The following ZNF337 variants were observed in gnomAD, a reference collection of about 807,000 sequenced individuals.
ZNF337 encodes the protein zinc finger protein 337.
In ZNF337, 8 loss-of-function variants were observed where a neutral mutation model predicts 12.1. The ratio of observed to expected loss-of-function variants is 0.66; its 90% CI spans 0.39 to 1.19. The LOEUF is 1.19. ZNF337 is among the 50% of genes most tolerant of loss of function. The pLI is 0.01. For missense variants in ZNF337, 882 were observed against 896.6 expected (o/e 0.98, Z 0.21); for synonymous variants, 336 against 320.0 (o/e 1.05, Z -0.53).
intron 1 of ZNF337, among the ~76,000 whole-genome samples, chr20:25,691,451 A>G (rs2065881636): frequency 6.6e-6 from 1 of 152,240 alleles, no homozygotes; most frequent in Non-Finnish European, 1.5e-5. Context: ...AACTCCAAGA[A>G]TAAATTCAAG....
Position 25,674,462 on chromosome 20 carries a change from GTGACT to G in ZNF337, c.*565_*569del, listed in dbSNP as rs1412791261. 5 of 152,732 alleles carry G rather than the reference GTGACT, an allele frequency of 3.3e-5. No homozygotes were observed. The highest frequency in any genetic ancestry group is 7.2e-5 in the African/African-American group (3 of 41,436). The allele number at this position is 152,732 out of a possible 1,614,324, so 9.5% of individuals were successfully genotyped here. ...ATCCCATTCGCAAAGCTCTATCTTC[GTGACT>G]TGACTTAATCACTTCCCAAAGGTCC... On this transcript the variant is annotated 3_prime_UTR_variant, in exon 5 of 5. Transcript: ENST00000252979.
At chr20:25,682,835 CAAA>C (rs59331202) in intron 4 of ZNF337, among the ~76,000 whole-genome samples, 1 of 131,978 alleles carries the variant, frequency 7.6e-6, no homozygotes, top group Non-Finnish European at 1.7e-5. Context: ...AACTCCGACT[CAAA>C]AAAAAAAAAA....
At chr20:25,691,229 C>G (rs1157865213) in intron 1 of ZNF337, among the ~76,000 whole-genome samples, 1 of 152,038 alleles carries the variant, frequency 6.6e-6, no homozygotes, top group East Asian at 1.9e-4. Flanking sequence ...AAGAAATAAT[C>G]AGTAAACATA....
At chr20:25,683,184 A>G (rs2065787641) in intron 4 of ZNF337, among the ~76,000 whole-genome samples, 1 of 152,170 alleles carries the variant, frequency 6.6e-6, no homozygotes, top group African/African-American at 2.4e-5. Flanking sequence ...CCTAACTGTG[A>G]ACTAAAACTG....
chr20:25,691,596 G>A (rs1361337934), intron 1 of ZNF337, among the ~76,000 whole-genome samples: 1 of 152,188 alleles, frequency 6.6e-6, no homozygotes, highest in Admixed American at 6.5e-5. Flanking sequence ...ACCATAGACT[G>A]AGAACTGGAG....
chr20:25,686,527 T>C (rs919983031), intron 1 of ZNF337, 61 bp from the exon 2 acceptor site: 50 of 1,298,258 alleles, frequency 3.9e-5, no homozygotes, highest in Middle Eastern at 1.9e-4. Context: ...TGTGTGACAG[T>C]TGGTGTGATT....
chr20:25,681,886 A>G (rs754229341), intron 4 of ZNF337, among the ~76,000 whole-genome samples: 1 of 152,220 alleles, frequency 6.6e-6, no homozygotes, highest in African/African-American at 2.4e-5. Context: ...CCACAATATT[A>G]AAGAGCATCA....
In ZNF337 at chr20:25,676,534, G is replaced by C; in HGVS notation, c.754C>G (p.Leu252Val). The change falls in exon 5 of 5, where the codon CTC becomes GTC. Residue 252 changes from leucine to valine, a missense_variant. Physicochemically the swap from Leu to Val is conservative, Grantham distance 32. Transcript: ENST00000252979. ...CCTGAGTGTGTCCTCTGGTGTCTGA[G>C]GAGGTTGGCCTTGAGGCTGAAGCCT... ...GRGFSLKANL[L>V]RHQRTHSGEK... 1 of 1,613,168 alleles carries C rather than the reference G, an allele frequency of 6.2e-7. No individual in the cohort carries two copies.
intron 4 of ZNF337, among the ~76,000 whole-genome samples, chr20:25,682,818 A>T (rs1306135547): frequency 3.3e-5 from 5 of 151,198 alleles, no homozygotes. Context: ...CTGGGCTACA[A>T]GAGTGAAACT....
chr20:25,696,697 G>T, intron 1 of ZNF337, 62 bp downstream of exon 1: 1 of 969,916 alleles, frequency 1.0e-6, no homozygotes. Context: ...AGGCCTTCCC[G>T]GCCCTTCTTC....
chr20:25,680,883 C>CA, intron 4 of ZNF337: 1 of 152,308 alleles, frequency 6.6e-6, no homozygotes, highest in East Asian at 1.9e-4. Context: ...ATTAAACATT[C>CA]ACACTTTCAG....
At position 25,676,774 on chromosome 20, in the gene ZNF337, T is replaced by G. The variant is rs1193084400; in HGVS notation, c.514A>C (p.Ile172Leu). The G allele has an allele frequency of 6.2e-7, 1 of 1,614,250 alleles. No individual in the cohort carries two copies. The highest frequency in any genetic ancestry group is 8.5e-7 in the Non-Finnish European group (1 of 1,180,050). Residue 172 changes from isoleucine (I) to leucine (L), a missense_variant, in exon 5 of 5, where the codon ATA becomes CTA. Physicochemically the swap from Ile to Leu is conservative, Grantham distance 5 (BLOSUM62 2). Coordinates refer to ENST00000252979, the MANE Select transcript of ZNF337 (RefSeq NM_015655.4). ...AATGCTCCCCATCTTGAATTTTCTA[T>G]TCCTTTCAATACTTTGTCTATTTCT... ...PTEIDKVLKG[I>L]ENSRWGAFKC...
chr20:25,684,548 A>T (rs1265853303), intron 4 of ZNF337, among the ~76,000 whole-genome samples: 1 of 152,188 alleles, frequency 6.6e-6, no homozygotes, highest in Non-Finnish European at 1.5e-5. Context: ...TAGTTCAACC[A>T]TTGTGGAAGA....
chr20:25,691,969 C>T (rs761569326), intron 1 of ZNF337, among the ~76,000 whole-genome samples: 4 of 151,936 alleles, frequency 2.6e-5, no homozygotes, highest in South Asian at 4.1e-4. Flanking sequence ...ATTATTTGTC[C>T]TTATGGGTAG....
intron 1 of ZNF337, among the ~76,000 whole-genome samples, chr20:25,693,688 C>T (rs1285871358): frequency 6.6e-6 from 1 of 152,212 alleles, no homozygotes; most frequent in African/African-American, 2.4e-5. Flanking sequence ...TTCTGAGCCT[C>T]AGATGGGACA....
chr20:25,676,925 T>C lies in ZNF337; in HGVS notation c.363A>G (p.Gln121=), dbSNP rs1569007585. 5 of 1,614,080 alleles carry C rather than the reference T, an allele frequency of 3.1e-6. No individual in the cohort carries two copies. The South Asian group carries it at 4.4e-5, about 14-fold the overall frequency. Residue 121 remains glutamine (Q), a synonymous_variant, in exon 5 of 5, where the codon CAA becomes CAG. Coordinates refer to ENST00000252979, the MANE Select transcript of ZNF337 (RefSeq NM_015655.4). ...TGGGCTTAGTGCTTTTTTCTTTCTCTTGACCTTCAGCTGTGTCACTCTGGA... is the reference window on the plus strand; with the variant it reads ...TGGGCTTAGTGCTTTTTTCTTTCTCCTGACCTTCAGCTGTGTCACTCTGGA... The part of the protein sequence containing the change: ...QSFQSDTAEG[Q]EKEKSTKPMA...
At position 25,673,204 on chromosome 20, in the gene ZNF337, A is replaced by G. The variant is rs758336587; in HGVS notation, c.*1828T>C. Among the ~76,000 whole-genome samples the G allele has an allele frequency of 2.0e-4, 30 of 152,250 alleles. No individual in the cohort carries two copies. The highest frequency in any genetic ancestry group is 3.5e-4 in the Non-Finnish European group (24 of 68,012). On this transcript the variant is annotated 3_prime_UTR_variant, in exon 5 of 5. Coordinates refer to ENST00000252979, the MANE Select transcript of ZNF337 (RefSeq NM_015655.4). ...CAGTGTCCCAGATCACTCAGATGTA[A>G]ATGTGTTTAATATGGAAGAGGAGCA...
In ZNF337 at chr20:25,674,819, C is replaced by A; in HGVS notation, c.*213G>T. 1 of 584,120 alleles carries A rather than the reference C, an allele frequency of 1.7e-6. No homozygotes were observed. The allele number at this position is 584,120 out of a possible 1,614,324, so 36.2% of individuals were successfully genotyped here. ...CCCCAATAGCCCAGGTAATGCCCTCCCCTCAACTGGCATCTCTGTTCCCTA... is the reference window on the plus strand; with the variant it reads ...CCCCAATAGCCCAGGTAATGCCCTCACCTCAACTGGCATCTCTGTTCCCTA... On this transcript the variant is annotated 3_prime_UTR_variant, in exon 5 of 5. Coordinates refer to ENST00000252979, the MANE Select transcript of ZNF337 (RefSeq NM_015655.4).
rs781191211 is a variant in ZNF337, at chr20:25,675,098, C to G, written c.2190G>C (p.Lys730Asn). The G allele has an allele frequency of 6.2e-6, 10 of 1,613,934 alleles. No individual in the cohort carries two copies. Among genetic ancestry groups the G allele is most frequent in the Middle Eastern group, 1.6e-4 (1 of 6,082 alleles). The change falls in exon 5 of 5, where the codon AAG (lysine) becomes AAC (asparagine). Residue 730 changes from lysine to asparagine, a missense_variant. Transcript: ENST00000252979. ...RKFSNKSYYS[K>N]HLKRHLREKR... is the part of the protein sequence containing the mutation. ...TCTCACGTAAGTGTCTCTTTAAGTG[C>G]TTACTGTAGTATGACTTATTGCTAA...
Sources: allele counts gnomAD v4.1 joint callset (sites outside exome capture counted in the v4.1 genomes callset), GRCh38; gene constraint gnomAD v4.1.1; transcripts MANE v1.5; gene names NCBI Gene and HGNC (gene_info 2026-07-23, HGNC 2026-07-21).